Variants in TENM4 observed in about 807,000 individuals in gnomAD.
TENM4 encodes teneurin transmembrane protein 4, also known as teneurin-4.
Under a neutral mutation model 243.3 loss-of-function variants are expected in TENM4, and 82 were observed. The ratio of observed to expected loss-of-function variants is 0.34; its 90% CI spans 0.28 to 0.40. The LOEUF (loss-of-function observed/expected upper bound fraction) is 0.40. Ranked by LOEUF, TENM4 falls within the 10% of genes least tolerant of loss-of-function variation. TENM4 has a pLI of 1.00. For missense variants in TENM4, 3,138 were observed against 3,673.3 expected (o/e 0.85, Z 3.77); for synonymous variants, 1,412 against 1,456.3 (o/e 0.97, Z 0.69).
At chr11:79,175,701 A>C (rs1863145913) in intron 3 of TENM4, among the ~76,000 whole-genome samples, 1 of 152,250 alleles carries the variant, frequency 6.6e-6, no homozygotes, top group South Asian at 2.1e-4. Flanking sequence ...AGCTACTTTT[A>C]AAATTTTCTT....
intron 4 of TENM4, among the ~76,000 whole-genome samples, chr11:79,133,992 G>C (rs990371467): frequency 1.3e-5 from 2 of 152,110 alleles, no homozygotes; most frequent in African/African-American, 4.8e-5. Flanking sequence ...GGAATTCCTA[G>C]CCAGAGCAAT....
chr11:78,936,136 T>A (rs371631384), intron 6 of TENM4, among the ~76,000 whole-genome samples: 5 of 152,344 alleles, frequency 3.3e-5, no homozygotes, highest in South Asian at 4.1e-4. Context: ...GGAATGCATC[T>A]TATGGCACCC....
At chr11:78,823,365 G>A (rs1330839640) in intron 12 of TENM4, among the ~76,000 whole-genome samples, 1 of 152,222 alleles carries the variant, frequency 6.6e-6, no homozygotes, top group Non-Finnish European at 1.5e-5. Context: ...GCCAAGCTCA[G>A]GCACAGGCTG....
At chr11:79,253,798 C>T (rs915349076) in intron 2 of TENM4, among the ~76,000 whole-genome samples, 5 of 152,150 alleles carry the variant, frequency 3.3e-5, no homozygotes, top group East Asian at 1.9e-4. Flanking sequence ...GAAATAAAAT[C>T]GATGATGAAC....
In TENM4 at chr11:78,916,635, G is replaced by A. The variant is rs532591710; in HGVS notation, c.494-13112C>T. 2.0e-5 allele frequency among the ~76,000 whole-genome samples: 3 copies of A among 152,242 alleles called. No homozygotes were observed. The South Asian group carries it at 6.2e-4, about 32-fold the overall frequency. ...ATTTATTGACACATGACAATGATCA[G>A]GGCTTTTACAAAGGTTTCCTTAGTT... On this transcript the variant is annotated intron_variant, in intron 6 of 33. Coordinates refer to ENST00000278550, the MANE Select transcript of TENM4 (RefSeq NM_001098816.3).
At chr11:79,130,492 G>T (rs11237723) in intron 4 of TENM4, among the ~76,000 whole-genome samples, 54,189 of 150,944 alleles carry the variant, frequency 0.36, 11,584 homozygotes, top group Middle Eastern at 0.49. Context: ...AAAAATACAA[G>T]AAGTGAAGGG....
chr11:79,088,122 G>A (rs1428486443), intron 4 of TENM4, among the ~76,000 whole-genome samples: 1 of 152,200 alleles, frequency 6.6e-6, no homozygotes, highest in East Asian at 1.9e-4. Context: ...CACTCCATCG[G>A]TTCTGCTTTT....
chr11:79,364,275 C>T (rs972893501), intron 1 of TENM4, among the ~76,000 whole-genome samples: 1 of 152,172 alleles, frequency 6.6e-6, no homozygotes, highest in African/African-American at 2.4e-5. Flanking sequence ...ATACGACAGA[C>T]ACATGCACCT....
At chr11:79,129,882 C>T (rs1369454805) in intron 4 of TENM4, among the ~76,000 whole-genome samples, 6 of 152,200 alleles carry the variant, frequency 3.9e-5, no homozygotes, top group Non-Finnish European at 7.3e-5. Flanking sequence ...CATACTACCA[C>T]AGCTGAGGCT....
intron 6 of TENM4, among the ~76,000 whole-genome samples, chr11:79,032,996 A>C (rs1859285313): frequency 6.6e-6 from 1 of 152,158 alleles, no homozygotes; most frequent in African/African-American, 2.4e-5. Flanking sequence ...TCATCTAACA[A>C]GTCACAGAGC....
At chr11:78,685,239 C>T (rs1274260013) in intron 29 of TENM4, among the ~76,000 whole-genome samples, 1 of 152,152 alleles carries the variant, frequency 6.6e-6, no homozygotes. Context: ...CTGTAGAGGC[C>T]CATCTCAGAT....
At chr11:78,832,025 T>G (rs1461922541) in intron 12 of TENM4, among the ~76,000 whole-genome samples, 1 of 152,230 alleles carries the variant, frequency 6.6e-6, no homozygotes. Flanking sequence ...ATTGTGTCAT[T>G]AATCCTTCCA....
intron 6 of TENM4, among the ~76,000 whole-genome samples, chr11:78,934,172 T>A (rs1856732378): frequency 6.6e-6 from 1 of 151,810 alleles, no homozygotes; most frequent in Admixed American, 6.6e-5. Context: ...AAAGACAGAG[T>A]GGGGCTGTAG....
At chr11:78,923,924 G>A (rs979085549) in intron 6 of TENM4, among the ~76,000 whole-genome samples, 10 of 149,124 alleles carry the variant, frequency 6.7e-5, no homozygotes, top group East Asian at 2.0e-4. Flanking sequence ...GTGTGATCTC[G>A]GCTTACTGCA....
intron 1 of TENM4, among the ~76,000 whole-genome samples, chr11:79,385,304 G>A (rs1858089216): frequency 6.6e-6 from 1 of 152,196 alleles, no homozygotes; most frequent in Non-Finnish European, 1.5e-5. Context: ...CCAAGATTGA[G>A]AACCACTAAT....
chr11:79,383,072 C>T (rs943221872), intron 1 of TENM4, among the ~76,000 whole-genome samples: 3 of 152,182 alleles, frequency 2.0e-5, no homozygotes, highest in African/African-American at 7.2e-5. Context: ...CATCTTCTGC[C>T]TTTCTGCCCT....
At chr11:79,090,673 C>T (rs950337231) in intron 4 of TENM4, among the ~76,000 whole-genome samples, 1 of 152,234 alleles carries the variant, frequency 6.6e-6, no homozygotes, top group Non-Finnish European at 1.5e-5. Context: ...CTCTGCCTCC[C>T]ATACTACTTT....
chr11:79,391,429 G>A (rs978314203), intron 1 of TENM4, among the ~76,000 whole-genome samples: 64 of 152,092 alleles, frequency 4.2e-4, no homozygotes, highest in African/African-American at 1.4e-3. Context: ...TAGGGTACCT[G>A]AGGTCCACAT....
At chr11:78,782,407 G>A (rs1334846011) in intron 16 of TENM4, among the ~76,000 whole-genome samples, 7 of 151,966 alleles carry the variant, frequency 4.6e-5, no homozygotes, top group African/African-American at 1.7e-4. Context: ...AGATCAGCGT[G>A]ACCAACATGG....
Sources: gnomAD v4.1 joint callset for allele counts (sites outside exome capture counted in the v4.1 genomes callset) on GRCh38, gnomAD v4.1.1 for gene constraint, MANE v1.5 for transcripts, NCBI Gene and HGNC (gene_info 2026-07-23, HGNC 2026-07-21) for gene names.